Variants in ERC2 observed in about 807,000 individuals in gnomAD.
ERC2 encodes the protein ERC protein 2.
A neutral mutation model predicts 114.8 loss-of-function variants in ERC2; 42 were observed. The observed-to-expected ratio is 0.37, with a 90% CI of 0.29 to 0.47. ERC2 has a LOEUF of 0.47. Among genes scored for constraint, ERC2 ranks in the 20% least tolerant of loss-of-function variants. The pLI is 0.99. For synonymous variants in ERC2, 454 were observed against 425.5 expected (o/e 1.07, Z -0.82); for missense variants, 939 against 1,150.7 (o/e 0.82, Z 2.66).
intron 7 of ERC2, among the ~76,000 whole-genome samples, chr3:56,052,376 C>T (rs553443736): frequency 3.3e-5 from 5 of 152,292 alleles, no homozygotes; most frequent in African/African-American, 7.2e-5. Flanking sequence ...TATGCTAATG[C>T]GCAGGGTCAG....
intron 17 of ERC2, among the ~76,000 whole-genome samples, chr3:55,624,333 G>T (rs1490439548): frequency 6.6e-6 from 1 of 152,190 alleles, no homozygotes. Flanking sequence ...TGAGGTAGTT[G>T]AACCTAATAT....
chr3:56,101,809 T>C (rs1395494640), intron 6 of ERC2, among the ~76,000 whole-genome samples: 12 of 152,098 alleles, frequency 7.9e-5, no homozygotes, highest in Non-Finnish European at 1.6e-4. Flanking sequence ...CAAGAGGAAA[T>C]TGGGTCACTC....
chr3:55,754,155 C>T (rs541678934), intron 14 of ERC2, among the ~76,000 whole-genome samples: 103 of 149,250 alleles, frequency 6.9e-4, no homozygotes, highest in African/African-American at 2.4e-3. Flanking sequence ...TTCAAATCAC[C>T]GATCTCTACA....
At chr3:55,691,573 A>AATATATATATATATATAT (rs1292437178) in intron 16 of ERC2, among the ~76,000 whole-genome samples, 27 of 39,724 alleles carry the variant, frequency 6.8e-4, no homozygotes, top group East Asian at 9.1e-4. Flanking sequence ...AAAAAAAAAA[A>AATATATATATATATATAT]ATATATATAT....
intron 14 of ERC2, among the ~76,000 whole-genome samples, chr3:55,850,576 T>C (rs2061527314): frequency 6.6e-6 from 1 of 152,080 alleles, no homozygotes; most frequent in African/African-American, 2.4e-5. Context: ...TTTAGATGCA[T>C]TTACCAGAAT....
intron 17 of ERC2, among the ~76,000 whole-genome samples, chr3:55,609,694 C>A (rs1205156502): frequency 6.6e-6 from 1 of 152,116 alleles, no homozygotes; most frequent in Non-Finnish European, 1.5e-5. Flanking sequence ...CCGAGGCCTG[C>A]CTCCTGCTTG....
chr3:55,989,674 T>C (rs1342996565), intron 11 of ERC2, among the ~76,000 whole-genome samples: 1 of 152,188 alleles, frequency 6.6e-6, no homozygotes, highest in East Asian at 1.9e-4. Context: ...CTCTGCAACC[T>C]GGAGGAAGTT....
At chr3:56,045,397 A>G (rs2075404415) in intron 7 of ERC2, among the ~76,000 whole-genome samples, 1 of 152,184 alleles carries the variant, frequency 6.6e-6, no homozygotes, top group Admixed American at 6.6e-5. Context: ...TGAGTCTTTA[A>G]CAGTGTGTTC....
At chr3:55,871,179 C>T (rs2062566593) in intron 14 of ERC2, among the ~76,000 whole-genome samples, 1 of 152,182 alleles carries the variant, frequency 6.6e-6, no homozygotes, top group Non-Finnish European at 1.5e-5. Context: ...CTGGAGTAAG[C>T]TCCCAGAAAG....
chr3:55,841,408 C>T (rs2061126399), intron 14 of ERC2, among the ~76,000 whole-genome samples: 2 of 152,188 alleles, frequency 1.3e-5, no homozygotes, highest in South Asian at 4.1e-4. Context: ...CATGCCTTTG[C>T]TTCTCGTTTG....
intron 14 of ERC2, among the ~76,000 whole-genome samples, chr3:55,754,798 G>A (rs575446652): frequency 9.9e-5 from 15 of 151,808 alleles, no homozygotes; most frequent in Non-Finnish European, 1.6e-4. Flanking sequence ...AGCGCAACAT[G>A]AGCCATGACA....
intron 6 of ERC2, among the ~76,000 whole-genome samples, chr3:56,124,276 G>A (rs1330628255): frequency 6.6e-6 from 1 of 152,096 alleles, no homozygotes; most frequent in Non-Finnish European, 1.5e-5. Context: ...CTTTAATTAT[G>A]TCAGTCATCT....
chr3:56,173,711 C>T, intron 3 of ERC2, 191 bp from the exon 4 acceptor site: 1 of 552,178 alleles, frequency 1.8e-6, no homozygotes, highest in Non-Finnish European at 3.2e-6. Flanking sequence ...TGAAAAGCTC[C>T]TGGCACATGC....
chr3:56,112,462 CACACAT>C (rs138944223), intron 6 of ERC2, among the ~76,000 whole-genome samples: 17 of 135,072 alleles, frequency 1.3e-4, no homozygotes, highest in African/African-American at 3.8e-4. Context: ...CACACACACA[CACACAT>C]TGGCACACAC....
chr3:55,730,829 T>A (rs1416808037), intron 15 of ERC2, among the ~76,000 whole-genome samples: 1 of 152,164 alleles, frequency 6.6e-6, no homozygotes. Flanking sequence ...CTAGCCTGGG[T>A]GACAGTGAGA....
At chr3:55,733,460 TCTCTCACA>T (rs1431582309) in intron 15 of ERC2, among the ~76,000 whole-genome samples, 4 of 96,766 alleles carry the variant, frequency 4.1e-5, no homozygotes, top group Non-Finnish European at 9.7e-5. Flanking sequence ...ATTCTCTCTC[TCTCTCACA>T]CACACACACA....
intron 14 of ERC2, among the ~76,000 whole-genome samples, chr3:55,800,489 T>C (rs28542334): frequency 0.31 from 46,357 of 151,930 alleles, 8,166 homozygotes; most frequent in African/African-American, 0.48. Context: ...TCTCCCCTTC[T>C]GCCCAACTTC....
intron 4 of ERC2, among the ~76,000 whole-genome samples, chr3:56,161,226 G>A (rs145977522): frequency 6.6e-6 from 1 of 152,218 alleles, no homozygotes; most frequent in Non-Finnish European, 1.5e-5. Context: ...GCTTCCTGAG[G>A]CCCTCACAAG....
chr3:55,684,747 T>C (rs1281956616), intron 16 of ERC2, among the ~76,000 whole-genome samples: 2 of 152,208 alleles, frequency 1.3e-5, no homozygotes, highest in African/African-American at 2.4e-5. Flanking sequence ...GACAGAAGTA[T>C]ATCCCCAAAG....
Sources: allele counts gnomAD v4.1 joint callset (sites outside exome capture counted in the v4.1 genomes callset), GRCh38; gene constraint gnomAD v4.1.1; transcripts MANE v1.5; gene names NCBI Gene and HGNC (gene_info 2026-07-23, HGNC 2026-07-21).